The following CLEC16A variants were observed in gnomAD, a reference collection of about 807,000 sequenced individuals.
CLEC16A encodes the protein C-type lectin domain containing 16A, also known as protein CLEC16A.
A neutral mutation model predicts 109.5 loss-of-function variants in CLEC16A; 51 were observed. That is an observed-to-expected ratio of 0.47 (90% CI 0.37 to 0.59). The LOEUF (loss-of-function observed/expected upper bound fraction) is 0.59, where lower values mean the gene tolerates loss of function less well. CLEC16A is among the 20% of genes least tolerant of loss of function. The pLI is 0.00. For synonymous variants in CLEC16A, 673 were observed against 564.2 expected (o/e 1.19, Z -2.73); for missense variants, 1,339 against 1,394.0 (o/e 0.96, Z 0.63).
intron 22 of CLEC16A, among the ~76,000 whole-genome samples, chr16:11,128,329 G>T (rs986059679): frequency 6.6e-6 from 1 of 152,234 alleles, no homozygotes; most frequent in Non-Finnish European, 1.5e-5. Flanking sequence ...CGGTGGGTGA[G>T]AACATCAAAT....
chr16:11,044,185 T>G (rs1204104148), intron 16 of CLEC16A, 113 bp downstream of exon 16: 8 of 847,496 alleles, frequency 9.4e-6, no homozygotes, highest in Non-Finnish European at 1.4e-5. Flanking sequence ...TTTTTATGCC[T>G]ATAATTACTG....
At chr16:11,107,616 T>C (rs2051302500) in intron 19 of CLEC16A, among the ~76,000 whole-genome samples, 1 of 151,984 alleles carries the variant, frequency 6.6e-6, no homozygotes, top group African/African-American at 2.4e-5. Flanking sequence ...CCGGAGTGAG[T>C]CGAGGCTCAG....
intron 23 of CLEC16A, among the ~76,000 whole-genome samples, chr16:11,171,504 G>C (rs1455128381): frequency 6.6e-6 from 1 of 152,240 alleles, no homozygotes; most frequent in African/African-American, 2.4e-5. Context: ...TCCCCACGAA[G>C]TGTCCAGGAG....
intron 1 of CLEC16A, among the ~76,000 whole-genome samples, chr16:10,947,251 G>T (rs949956431): frequency 2.0e-5 from 3 of 152,240 alleles, no homozygotes; most frequent in Non-Finnish European, 4.4e-5. Flanking sequence ...TTTGTAAACA[G>T]CCAGTGCCCA....
chr16:11,096,053 G>A (rs1597371572), intron 19 of CLEC16A, among the ~76,000 whole-genome samples: 1 of 152,106 alleles, frequency 6.6e-6, no homozygotes, highest in East Asian at 1.9e-4. Flanking sequence ...CAAAACTAAG[G>A]CCAGATACCA....
intron 16 of CLEC16A, among the ~76,000 whole-genome samples, chr16:11,046,649 T>C (rs1180947451): frequency 6.6e-6 from 1 of 152,170 alleles, no homozygotes; most frequent in Non-Finnish European, 1.5e-5. Flanking sequence ...ATCTTCACAA[T>C]ACCCTAGACA....
chr16:11,053,348 T>G (rs1205682696), intron 18 of CLEC16A, among the ~76,000 whole-genome samples: 2 of 152,142 alleles, frequency 1.3e-5, no homozygotes, highest in South Asian at 4.1e-4. Flanking sequence ...GGCACTATTA[T>G]TATCCCCATT....
At chr16:11,146,106 T>C (rs1199580576) in intron 22 of CLEC16A, among the ~76,000 whole-genome samples, 1 of 152,168 alleles carries the variant, frequency 6.6e-6, no homozygotes, top group Non-Finnish European at 1.5e-5. Flanking sequence ...GCTCTGTCCT[T>C]GCTTCCTTCA....
At chr16:11,111,096 G>C (rs1347612434) in intron 19 of CLEC16A, among the ~76,000 whole-genome samples, 1 of 152,118 alleles carries the variant, frequency 6.6e-6, no homozygotes. Context: ...GCAGCATGTA[G>C]CTTCTTGGTG....
chr16:10,981,034 G>C (rs1270924786), intron 9 of CLEC16A, among the ~76,000 whole-genome samples: 1 of 152,138 alleles, frequency 6.6e-6, no homozygotes, highest in Non-Finnish European at 1.5e-5. Context: ...TTTGAGTCTG[G>C]CCTGCACGTG....
chr16:11,102,901 T>C (rs1439310307), intron 19 of CLEC16A, among the ~76,000 whole-genome samples: 1 of 152,216 alleles, frequency 6.6e-6, no homozygotes, highest in Non-Finnish European at 1.5e-5. Context: ...ATGAGGTACC[T>C]GAGGGCCAGA....
chr16:11,030,524 C>T (rs1021390991), intron 13 of CLEC16A, among the ~76,000 whole-genome samples: 1 of 152,170 alleles, frequency 6.6e-6, no homozygotes, highest in Non-Finnish European at 1.5e-5. Flanking sequence ...CATTGAACAT[C>T]TTTTCATGTG....
Position 11,174,525 on chromosome 16 carries a change from CTTCT to C in CLEC16A, c.2807-3809_2807-3806del, listed in dbSNP as rs1300345296. On this transcript the variant is annotated intron_variant, in intron 23 of 23. Coordinates refer to ENST00000409790, the MANE Select transcript of CLEC16A (RefSeq NM_015226.3). The surrounding 1 kb of genome is among the most constrained non-coding windows in gnomAD (Gnocchi z 4.7). ...ACAGTCCTTCACCTTCGCGACAGTC[CTTCT>C]GAGCCAGACCTGTACAGCCTGGAAA... is the stretch of plus-strand genomic sequence containing the variant. Among the ~76,000 whole-genome samples the C allele has an allele frequency of 6.6e-6, 1 of 152,262 alleles. No homozygotes were observed. The highest frequency in any genetic ancestry group is 1.9e-4 in the East Asian group (1 of 5,196).
Position 10,972,951 on chromosome 16 carries a change from C to T in CLEC16A, c.618C>T (p.Ala206=). The change falls in exon 7 of 24, where the codon GCC becomes GCT. Residue 206 remains alanine, a synonymous_variant. Coordinates refer to ENST00000409790, the MANE Select transcript of CLEC16A (RefSeq NM_015226.3). The part of the protein sequence containing the change: ...NVYKVSLDNQ[A]MLHYIRDKTA... ...GAATTTTCTCAGTGGATAACCAGGC[C>T]ATGCTGCACTACATCCGAGATAAAA... 6.2e-7 allele frequency: 1 copy of T among 1,606,540 alleles called. No homozygotes were observed. Among genetic ancestry groups the T allele is most frequent in the Non-Finnish European group, 8.5e-7 (1 of 1,177,490 alleles).
At chr16:10,976,960 T>C (rs2043060027) in intron 7 of CLEC16A, among the ~76,000 whole-genome samples, 1 of 152,236 alleles carries the variant, frequency 6.6e-6, no homozygotes, top group Non-Finnish European at 1.5e-5. Context: ...GCTGTGCTTA[T>C]GCAGTGGCTT....
At chr16:11,104,019 G>A (rs1304949141) in intron 19 of CLEC16A, among the ~76,000 whole-genome samples, 1 of 152,190 alleles carries the variant, frequency 6.6e-6, no homozygotes. Context: ...GCCAGCATCT[G>A]TGGGTACCAG....
In CLEC16A at chr16:10,944,676, G is replaced by C; in HGVS notation, c.-42G>C. On this transcript the variant is annotated 5_prime_UTR_variant, in exon 1 of 24. Transcript: ENST00000409790. Reference sequence around the variant, plus strand: ...GGGCGCTGGGCCGCTCTGCTGGTCCGGCATGAGACCGTGAGACGAGAGACG... The same window carrying C: ...GGGCGCTGGGCCGCTCTGCTGGTCCCGCATGAGACCGTGAGACGAGAGACG... 1 of 1,566,252 alleles carries C rather than the reference G, an allele frequency of 6.4e-7. No individual in the cohort carries two copies. Among genetic ancestry groups the C allele is most frequent in the South Asian group, 1.2e-5 (1 of 86,454 alleles).
At chr16:11,039,730 T>C (rs1301595320) in intron 13 of CLEC16A, 24 bp from the exon 14 acceptor site, 8 of 1,582,840 alleles carry the variant, frequency 5.1e-6, no homozygotes, top group Non-Finnish European at 6.0e-6. Flanking sequence ...AGGCCTCCAC[T>C]TACATCCTTC....
At chr16:11,158,616 C>T (rs1245744503) in intron 22 of CLEC16A, among the ~76,000 whole-genome samples, 1 of 152,128 alleles carries the variant, frequency 6.6e-6, no homozygotes, top group Admixed American at 6.5e-5. Flanking sequence ...TGACAGACAC[C>T]CTGGGGTTAA....
Sources: allele counts gnomAD v4.1 joint callset (sites outside exome capture counted in the v4.1 genomes callset), GRCh38; gene constraint gnomAD v4.1.1; non-coding constraint Gnocchi (gnomAD v3.1); transcripts MANE v1.5; gene names NCBI Gene and HGNC (gene_info 2026-07-23, HGNC 2026-07-21).